The following ST3GAL4 variants were observed in gnomAD, a reference collection of about 807,000 sequenced individuals.
ST3GAL4 encodes ST3 beta-galactoside alpha-2,3-sialyltransferase 4.
In ST3GAL4, 24 loss-of-function variants were observed where a neutral mutation model predicts 42.6. The observed-to-expected ratio is 0.56, with a 90% CI of 0.41 to 0.79. ST3GAL4 has a LOEUF of 0.79. ST3GAL4 is among the 30% of genes least tolerant of loss of function. The pLI is 0.00. For synonymous variants in ST3GAL4, 135 were observed against 163.2 expected (o/e 0.83, Z 1.32); for missense variants, 311 against 430.8 (o/e 0.72, Z 2.46).
chr11:126,358,814 G>A (rs559311918), intron 1 of ST3GAL4, among the ~76,000 whole-genome samples: 26 of 152,342 alleles, frequency 1.7e-4, no homozygotes, highest in Non-Finnish European at 2.9e-4. Context: ...CCCTGTGATA[G>A]GATGTGATAA....
chr11:126,402,451 GAAA>G (rs575036017), intron 1 of ST3GAL4, among the ~76,000 whole-genome samples: 3 of 100,980 alleles, frequency 3.0e-5, no homozygotes, highest in African/African-American at 7.4e-5. Flanking sequence ...AAGACTGTCT[GAAA>G]AAAAAAAAAA....
chr11:126,356,873 T>C (rs547862533), intron 1 of ST3GAL4, among the ~76,000 whole-genome samples: 1 of 152,344 alleles, frequency 6.6e-6, no homozygotes, highest in African/African-American at 2.4e-5. Context: ...CACACACCCG[T>C]GTCACTGTCT....
Position 126,383,722 on chromosome 11 carries a change from G to A in ST3GAL4, c.-60-22374G>A, listed in dbSNP as rs945982189. 1.3e-4 allele frequency among the ~76,000 whole-genome samples: 20 copies of A among 152,272 alleles called. No individual in the cohort carries two copies. The highest frequency in any genetic ancestry group is 4.6e-4 in the African/African-American group (19 of 41,550). On this transcript the variant is annotated intron_variant, in intron 1 of 10. Transcript: ENST00000444328. The surrounding 1 kb of genome is among the most constrained non-coding windows in gnomAD (Gnocchi z 4.5). ...GACCGGAGAGCTGCTGGAAGGGGCT[G>A]TCTATGCCTTCAGGCTCTGAGTGTG...
intron 1 of ST3GAL4, among the ~76,000 whole-genome samples, chr11:126,375,607 T>A (rs1242435004): frequency 6.6e-6 from 1 of 152,158 alleles, no homozygotes; most frequent in Non-Finnish European, 1.5e-5. Flanking sequence ...GTAATTATCG[T>A]GTTGAACTCA....
chr11:126,372,575 C>G (rs1021092902), intron 1 of ST3GAL4, among the ~76,000 whole-genome samples: 1 of 152,032 alleles, frequency 6.6e-6, no homozygotes, highest in African/African-American at 2.4e-5. Flanking sequence ...CACCACCACA[C>G]CCGGCTAATT....
intron 1 of ST3GAL4, among the ~76,000 whole-genome samples, chr11:126,361,907 A>C (rs1591411053): frequency 2.1e-5 from 3 of 142,368 alleles, no homozygotes; most frequent in Non-Finnish European, 1.5e-5. Flanking sequence ...TTTGAGATGG[A>C]GTCTGGCTCT....
At chr11:126,399,452 G>T in intron 1 of ST3GAL4, among the ~76,000 whole-genome samples, 1 of 151,506 alleles carries the variant, frequency 6.6e-6, no homozygotes, top group South Asian at 2.1e-4. Context: ...TTTCAGGTGT[G>T]TGCCACCACA....
intron 1 of ST3GAL4, among the ~76,000 whole-genome samples, chr11:126,365,605 C>G (rs1164563841): frequency 6.6e-6 from 1 of 152,204 alleles, no homozygotes; most frequent in Non-Finnish European, 1.5e-5. Flanking sequence ...GTGACCAGGC[C>G]CTGACAGGCC....
chr11:126,388,552 G>A (rs561346472), intron 1 of ST3GAL4, among the ~76,000 whole-genome samples: 3 of 151,100 alleles, frequency 2.0e-5, no homozygotes, highest in Non-Finnish European at 4.4e-5. Flanking sequence ...GGCTGGTCTC[G>A]AACTCATGAC....
At chr11:126,370,974 CT>C (rs1952618222) in intron 1 of ST3GAL4, among the ~76,000 whole-genome samples, 1 of 150,804 alleles carries the variant, frequency 6.6e-6, no homozygotes, top group African/African-American at 2.4e-5. Context: ...GGCCCTCGTT[CT>C]TTTTTTTATA....
At chr11:126,413,812 C>T in intron 10 of ST3GAL4, 149 bp from the exon 11 acceptor site, 1 of 1,365,990 alleles carries the variant, frequency 7.3e-7, no homozygotes, top group Non-Finnish European at 1.0e-6. Context: ...CCATGTTCAG[C>T]CACATGGGCT....
At chr11:126,388,924 C>G (rs1472009778) in intron 1 of ST3GAL4, among the ~76,000 whole-genome samples, 1 of 151,474 alleles carries the variant, frequency 6.6e-6, no homozygotes, top group African/African-American at 2.4e-5. Context: ...ATCACAGGCG[C>G]CTGCCACCAT....
At position 126,406,269 on chromosome 11, in the gene ST3GAL4, C is replaced by T. The variant is rs1005689152; in HGVS notation, c.16+98C>T. The T allele has an allele frequency of 1.3e-6, 2 of 1,547,824 alleles. No homozygotes were observed. Among genetic ancestry groups the T allele is most frequent in the Admixed American group, 2.0e-5 (1 of 50,766 alleles). On this transcript the variant is annotated intron_variant, in intron 2 of 10. Coordinates refer to ENST00000444328, the MANE Select transcript of ST3GAL4 (RefSeq NM_001254757.2). This position sits in a 1 kb window ranked among gnomAD's most constrained non-coding sequence, Gnocchi z 5.4. ...CCTCTGGGGGCTGTGGAGGGACAGA[C>T]AGGGAGCCAGGGGCCCTTCTCTTCA... is the stretch of plus-strand genomic sequence containing the variant.
At chr11:126,408,002 C>T in intron 6 of ST3GAL4, 97 bp from the exon 7 acceptor site, 10 of 1,351,508 alleles carry the variant, frequency 7.4e-6, no homozygotes, top group Non-Finnish European at 9.1e-6. Context: ...GCTGAGGGGG[C>T]CTAGGAAGTG....
intron 1 of ST3GAL4, among the ~76,000 whole-genome samples, chr11:126,364,126 GC>G (rs1952348446): frequency 1.3e-5 from 2 of 152,260 alleles, no homozygotes; most frequent in Non-Finnish European, 2.9e-5. Flanking sequence ...CCCTGCCAAG[GC>G]AGAGGGAATG....
chr11:126,373,135 A>T lies in ST3GAL4; in HGVS notation c.-61+17293A>T, dbSNP rs1952716985. On this transcript the variant is annotated intron_variant, in intron 1 of 10. Transcript: ENST00000444328. This position sits in a 1 kb window ranked among gnomAD's most constrained non-coding sequence, Gnocchi z 5.5. Reference sequence around the variant, plus strand: ...CCTGTGCCTGGCTGAGTAGTGGAGGAACTTTGAAAGGGTCTGTTCTGGAGA... The same window carrying T: ...CCTGTGCCTGGCTGAGTAGTGGAGGTACTTTGAAAGGGTCTGTTCTGGAGA... 6.6e-6 allele frequency among the ~76,000 whole-genome samples: 1 copy of T among 152,170 alleles called. No homozygotes were observed. The highest frequency in any genetic ancestry group is 1.5e-5 in the Non-Finnish European group (1 of 68,036).
rs1565412210 is a variant in ST3GAL4 at position 126,391,935 on chromosome 11, T to TTGTG, written c.-60-14161_-60-14160insTGTG. Among the ~76,000 whole-genome samples, 296 of 114,216 alleles carry TTGTG rather than the reference T, an allele frequency of 2.6e-3. No individual in the cohort carries two copies. Among genetic ancestry groups the TTGTG allele is most frequent in the African/African-American group, 9.8e-3 (270 of 27,626 alleles). 74.9% of individuals were successfully genotyped at this position (114,216 alleles called of 152,430 possible). ...GCTCAGAACACCTGTGATAACTTGG[T>TTGTG]CGTGTGTGTGTGTGTGTGTGTGTGT... On this transcript the variant is annotated intron_variant, in intron 1 of 10. Transcript: ENST00000444328. This position sits in a 1 kb window ranked among gnomAD's most constrained non-coding sequence, Gnocchi z 5.5.
At chr11:126,381,409 C>T (rs931223972) in intron 1 of ST3GAL4, among the ~76,000 whole-genome samples, 24 of 151,870 alleles carry the variant, frequency 1.6e-4, no homozygotes, top group African/African-American at 5.8e-4. Context: ...TGTGTGTTCC[C>T]AAGCCCCTTA....
intron 1 of ST3GAL4, among the ~76,000 whole-genome samples, chr11:126,390,444 G>A (rs1953453027): frequency 6.6e-6 from 1 of 151,684 alleles, no homozygotes; most frequent in African/African-American, 2.4e-5. Flanking sequence ...AGCCTCACTA[G>A]ATACTGTGAA....
Sources: gnomAD v4.1 joint callset for allele counts (sites outside exome capture counted in the v4.1 genomes callset) on GRCh38, gnomAD v4.1.1 for gene constraint, Gnocchi (gnomAD v3.1) non-coding constraint, MANE v1.5 for transcripts, NCBI Gene and HGNC (gene_info 2026-07-23, HGNC 2026-07-21) for gene names.